The following SCNN1G variants were observed in gnomAD, a reference collection of about 807,000 sequenced individuals.
SCNN1G encodes the protein sodium channel epithelial 1 subunit gamma, also known as epithelial sodium channel subunit gamma.
In SCNN1G, 27 loss-of-function variants were observed where a neutral mutation model predicts 64.6. That is an observed-to-expected ratio of 0.42 (90% CI 0.31 to 0.58). SCNN1G has a LOEUF of 0.58. SCNN1G is among the 20% of genes least tolerant of loss of function. The pLI, the probability that SCNN1G is intolerant of heterozygous loss-of-function variation, is 0.18. For missense variants in SCNN1G, 743 were observed against 823.4 expected (o/e 0.90, Z 1.19); for synonymous variants, 330 against 314.2 (o/e 1.05, Z -0.53).
intron 2 of SCNN1G, among the ~76,000 whole-genome samples, chr16:23,186,991 G>A (rs1959619809): frequency 6.6e-6 from 1 of 151,960 alleles, no homozygotes; most frequent in Admixed American, 6.6e-5. Context: ...AGTAGAGACA[G>A]GATTTCACCA....
In SCNN1G at chr16:23,194,504, C is replaced by G. The variant is rs761832842; in HGVS notation, c.913+230C>G. ...GACTTTTCTTCCATCTTTGAGAGAG[C>G]GACAGGGACATCACTGGGGTTCCTT... On this transcript the variant is annotated intron_variant, in intron 5 of 12. Transcript: ENST00000300061. Among the ~76,000 whole-genome samples, 6 of 152,270 alleles carry G rather than the reference C, an allele frequency of 3.9e-5. No individual in the cohort carries two copies. In the South Asian group the frequency reaches 1.0e-3, roughly 26 times the overall value.
chr16:23,210,489 T>G (rs28565031), intron 7 of SCNN1G, among the ~76,000 whole-genome samples: 8,676 of 152,266 alleles, frequency 0.057, 856 homozygotes, highest in African/African-American at 0.2. Context: ...TCCCACAGTT[T>G]TCACTACCCC....
rs1959724934 is a variant in SCNN1G at position 23,192,441 on chromosome 16, C to T, written c.708C>T (p.Asn236=). 6.2e-7 allele frequency: 1 copy of T among 1,613,774 alleles called. No individual in the cohort carries two copies. Among genetic ancestry groups the T allele is most frequent in the African/African-American group, 1.3e-5 (1 of 74,914 alleles). ...IQEWYKLHYM[N]IMAQVPLEKK... is the part of the protein sequence containing the mutation. ...AGTGGTATAAGCTACACTACATGAA[C>T]ATCATGGCACAGGTGCCTCTGGAGA... Residue 236 remains asparagine (N), a synonymous_variant, in exon 4 of 13, where the codon AAC becomes AAT. Coordinates refer to ENST00000300061, the MANE Select transcript of SCNN1G (RefSeq NM_001039.4).
At chr16:23,192,237 C>G in intron 3 of SCNN1G, 115 bp from the exon 4 acceptor site, 1 of 880,434 alleles carries the variant, frequency 1.1e-6, no homozygotes, top group Non-Finnish European at 1.9e-6. Flanking sequence ...CCCCAGATAT[C>G]CAACCTGTTC....
At chr16:23,200,214 C>T (rs1959867208) in intron 6 of SCNN1G, among the ~76,000 whole-genome samples, 1 of 152,040 alleles carries the variant, frequency 6.6e-6, no homozygotes, top group East Asian at 1.9e-4. Context: ...TATATTTTTA[C>T]CAAGTTGTAG....
At chr16:23,191,857 C>G (rs149088067) in intron 3 of SCNN1G, among the ~76,000 whole-genome samples, 3 of 152,136 alleles carry the variant, frequency 2.0e-5, no homozygotes, top group African/African-American at 7.2e-5. Context: ...AGCTACCACA[C>G]GTGGTTGGGA....
intron 6 of SCNN1G, among the ~76,000 whole-genome samples, chr16:23,199,204 A>C (rs971827043): frequency 1.3e-5 from 2 of 152,246 alleles, no homozygotes; most frequent in African/African-American, 4.8e-5. Flanking sequence ...AAGCAAGTGC[A>C]TATAGGTATA....
At chr16:23,191,226 C>T (rs1213750069) in intron 3 of SCNN1G, among the ~76,000 whole-genome samples, 1 of 152,142 alleles carries the variant, frequency 6.6e-6, no homozygotes, top group African/African-American at 2.4e-5. Flanking sequence ...CTCTCCCTCT[C>T]CATGCCCCAG....
At chr16:23,204,723 A>T (rs957840395) in intron 6 of SCNN1G, among the ~76,000 whole-genome samples, 2 of 152,044 alleles carry the variant, frequency 1.3e-5, no homozygotes. Flanking sequence ...TTTAATCATT[A>T]TGTTAATGAG....
At chr16:23,190,985 A>T (rs149910101) in intron 3 of SCNN1G, among the ~76,000 whole-genome samples, 1 of 151,922 alleles carries the variant, frequency 6.6e-6, no homozygotes, top group African/African-American at 2.4e-5. Context: ...CTGGGATTAC[A>T]GGCATGCACC....
At chr16:23,214,819 C>A in intron 12 of SCNN1G, 32 bp downstream of exon 12, 3 of 1,545,882 alleles carry the variant, frequency 1.9e-6, no homozygotes, top group Non-Finnish European at 2.7e-6. Flanking sequence ...CAGGACCTGT[C>A]CTGGGCCTAC....
chr16:23,184,067 T>C (rs1267760797), intron 1 of SCNN1G, among the ~76,000 whole-genome samples: 1 of 152,230 alleles, frequency 6.6e-6, no homozygotes, highest in Non-Finnish European at 1.5e-5. Context: ...CCACCAAGGG[T>C]ATCACATTGG....
chr16:23,200,583 T>C (rs1178515135), intron 6 of SCNN1G, among the ~76,000 whole-genome samples: 1 of 152,222 alleles, frequency 6.6e-6, no homozygotes, highest in African/African-American at 2.4e-5. Flanking sequence ...GTGCTAGACA[T>C]GGGGCACCTC....
intron 6 of SCNN1G, among the ~76,000 whole-genome samples, chr16:23,204,056 T>A (rs1323406365): frequency 1.3e-5 from 2 of 151,160 alleles, no homozygotes; most frequent in Non-Finnish European, 2.9e-5. Context: ...GGCCAGTGGA[T>A]CACTTGCACC....
rs5730 is a variant in SCNN1G, at chr16:23,216,144, A to G, written c.*675A>G. On this transcript the variant is annotated 3_prime_UTR_variant, in exon 13 of 13. Transcript: ENST00000300061. ...ATGGGTGGGTCCAGGAGATGGATTT[A>G]GTTATTCAATTTTGTGGATGAATAA... is the stretch of plus-strand genomic sequence containing the variant. The G allele has an allele frequency of 0.21, 32,281 of 152,774 alleles. 3,530 individuals carry two copies. Among genetic ancestry groups the G allele is most frequent in the African/African-American group, 0.25 (10,192 of 41,456 alleles). 9.5% of individuals were successfully genotyped at this position (152,774 alleles called of 1,614,324 possible).
chr16:23,194,277 A>G lies in SCNN1G; in HGVS notation c.913+3A>G, dbSNP rs1949098618. 6.3e-7 allele frequency: 1 copy of G among 1,591,540 alleles called. No homozygotes were observed. Among genetic ancestry groups the G allele is most frequent in the Non-Finnish European group, 8.6e-7 (1 of 1,159,492 alleles). ...CTCCATGGGGGGCAGCGAATATGGT[A>G]AGGAAACCTGTGCCAAGGAGATCTT... On this transcript the variant is annotated splice_donor_region_variant and intron_variant, in intron 5 of 12. Coordinates refer to ENST00000300061, the MANE Select transcript of SCNN1G (RefSeq NM_001039.4).
chr16:23,206,601 C>T (rs1959994965), intron 6 of SCNN1G, among the ~76,000 whole-genome samples: 2 of 152,064 alleles, frequency 1.3e-5, no homozygotes, highest in East Asian at 1.9e-4. Flanking sequence ...GGTGACAGAT[C>T]GAGACCCTGT....
chr16:23,213,167 A>G lies in SCNN1G; in HGVS notation c.1493+4A>G. 1 of 1,606,874 alleles carries G rather than the reference A, an allele frequency of 6.2e-7. No individual in the cohort carries two copies. The highest frequency in any genetic ancestry group is 8.5e-7 in the Non-Finnish European group (1 of 1,175,966). On this transcript the variant is annotated splice_donor_region_variant and intron_variant, in intron 11 of 12. Transcript: ENST00000300061. ...AAGTAAACAAAAAGCTCAACAAGTA[A>G]GTTACCTCTACCCTGTTCCTCTGTC...
intron 1 of SCNN1G, among the ~76,000 whole-genome samples, chr16:23,183,260 G>C (rs956586007): frequency 5.9e-5 from 9 of 152,198 alleles, no homozygotes; most frequent in Non-Finnish European, 1.0e-4. Flanking sequence ...TTCAGCCGGC[G>C]CTCCCCCGGG....
Sources: allele counts gnomAD v4.1 joint callset (sites outside exome capture counted in the v4.1 genomes callset), GRCh38; gene constraint gnomAD v4.1.1; transcripts MANE v1.5; gene names NCBI Gene and HGNC (gene_info 2026-07-23, HGNC 2026-07-21).